The following CCDC171 variants were observed in gnomAD, a reference collection of about 807,000 sequenced individuals.
CCDC171 encodes coiled-coil domain-containing protein 171.
Under a neutral mutation model 168.2 loss-of-function variants are expected in CCDC171, and 177 were observed. That is an observed-to-expected ratio of 1.05 (90% CI 0.93 to 1.19). The LOEUF (loss-of-function observed/expected upper bound fraction) is 1.19. Ranked by LOEUF, CCDC171 falls within the 50% of genes most tolerant of loss-of-function variation. The probability of loss-of-function intolerance (pLI) is 0.00; values close to 1 mark genes in which losing one functional copy is unlikely to be tolerated. For synonymous variants in CCDC171, 687 were observed against 540.8 expected (o/e 1.27, Z -3.75); for missense variants, 1,991 against 1,539.0 (o/e 1.29, Z -4.91).
chr9:16,013,390 T>A (rs1388691250), intron 3 of CCDC171, among the ~76,000 whole-genome samples: 1 of 152,104 alleles, frequency 6.6e-6, no homozygotes, highest in Non-Finnish European at 1.5e-5. Context: ...TCTCTTTATA[T>A]CATTGTGCTG....
chr9:15,672,336 C>A (rs962987020), intron 9 of CCDC171, among the ~76,000 whole-genome samples: 27 of 152,148 alleles, frequency 1.8e-4, no homozygotes, highest in African/African-American at 6.3e-4. Flanking sequence ...TTTTGCTGTG[C>A]AGAAGCTCTT....
At chr9:15,675,187 G>GTTGTTTTTTTTTTTTTTTT (rs2049435851) in intron 9 of CCDC171, among the ~76,000 whole-genome samples, 1 of 75,530 alleles carries the variant, frequency 1.3e-5, no homozygotes. Flanking sequence ...TGCAACTCCT[G>GTTGTTTTTTTTTTTTTTTT]TTTTTTTTTT....
At chr9:15,704,225 A>G (rs1402162245) in intron 11 of CCDC171, among the ~76,000 whole-genome samples, 2 of 152,208 alleles carry the variant, frequency 1.3e-5, no homozygotes, top group African/African-American at 4.8e-5. Context: ...TAGAATTTGT[A>G]ACAAAATTAA....
At chr9:15,918,327 A>T (rs528045056) in intron 24 of CCDC171, among the ~76,000 whole-genome samples, 36 of 151,702 alleles carry the variant, frequency 2.4e-4, no homozygotes, top group African/African-American at 8.7e-4. Context: ...AGTAGACAAG[A>T]AAACGACTCT....
chr9:15,669,437 C>A (rs1419361146), intron 9 of CCDC171, among the ~76,000 whole-genome samples: 2 of 151,994 alleles, frequency 1.3e-5, no homozygotes, highest in African/African-American at 2.4e-5. Flanking sequence ...TTGGGCTATC[C>A]ATTAACTCAG....
chr9:15,565,949 G>C (rs1345310096), intron 2 of CCDC171, among the ~76,000 whole-genome samples: 2 of 152,154 alleles, frequency 1.3e-5, no homozygotes, highest in African/African-American at 4.8e-5. Context: ...TTCTGAAGTG[G>C]CTGGGTCATT....
the CCDC171 span, among the ~76,000 whole-genome samples, chr9:16,101,779 C>T: frequency 9.8e-5 from 15 of 152,320 alleles, no homozygotes; most frequent in Admixed American, 3.3e-4. Context: ...CTCCAGTTGA[C>T]AGCCAGGAAG....
At position 15,633,872 on chromosome 9, in the gene CCDC171, T is replaced by C. The variant is rs537222740; in HGVS notation, c.822+10459T>C. Among the ~76,000 whole-genome samples the C allele has an allele frequency of 2.0e-5, 3 of 152,316 alleles. No individual in the cohort carries two copies. In the South Asian group the frequency reaches 6.2e-4, roughly 32 times the overall value. ...AAAAATGATGAGTTCATGTCCTTTG[T>C]AGGGACATGGATGAAATTGGAAATC... On this transcript the variant is annotated intron_variant, in intron 7 of 25. Transcript: ENST00000380701.
intron 18 of CCDC171, among the ~76,000 whole-genome samples, chr9:15,759,152 C>G (rs555747326): frequency 6.6e-6 from 1 of 152,136 alleles, no homozygotes; most frequent in Non-Finnish European, 1.5e-5. Context: ...TATCCATCCA[C>G]TAATAGACTA....
chr9:15,607,043 GT>G (rs543404926), intron 6 of CCDC171, among the ~76,000 whole-genome samples: 3 of 152,092 alleles, frequency 2.0e-5, no homozygotes, highest in African/African-American at 7.2e-5. Flanking sequence ...TATTTTTGTA[GT>G]TTTTTTGGAT....
chr9:15,713,254 G>A (rs1007772330), intron 11 of CCDC171, among the ~76,000 whole-genome samples: 3 of 151,948 alleles, frequency 2.0e-5, no homozygotes, highest in African/African-American at 7.3e-5. Flanking sequence ...TAGTGCTGCT[G>A]CAGCTGCCTA....
At chr9:15,953,312 C>A (rs1378006080) in intron 25 of CCDC171, among the ~76,000 whole-genome samples, 2 of 152,190 alleles carry the variant, frequency 1.3e-5, no homozygotes, top group East Asian at 3.9e-4. Context: ...ATGCTCCGGG[C>A]CTTTCATATA....
rs543226146 is a variant in CCDC171 at position 15,969,567 on chromosome 9, T to C, written c.3754-2042T>C. Among the ~76,000 whole-genome samples the C allele has an allele frequency of 2.1e-3, 318 of 152,310 alleles. 2 individuals carry two copies. Among genetic ancestry groups the C allele is most frequent in the South Asian group, 3.7e-3 (18 of 4,826 alleles). On this transcript the variant is annotated intron_variant, in intron 25 of 25. Transcript: ENST00000380701. ...GACTGATTCTGCACACCCCTCTATT[T>C]TCCATACATAGTTTTCTTAGACCAG...
At chr9:16,064,420 C>A (rs1296731712), downstream of CCDC171, among the ~76,000 whole-genome samples, 5 of 151,972 alleles carry the variant, frequency 3.3e-5, no homozygotes, top group African/African-American at 1.2e-4. Context: ...GTGAGGGAGG[C>A]TGAGGGCAGA....
Position 15,744,725 on chromosome 9 carries a change from C to CATAG in CCDC171, c.2503_2506dup (p.Gly836AspfsTer15). 4 of 1,614,034 alleles carry CATAG rather than the reference C, an allele frequency of 2.5e-6. No homozygotes were observed. The highest frequency in any genetic ancestry group is 3.4e-6 in the Non-Finnish European group (4 of 1,180,010). On this transcript the variant is annotated frameshift_variant, in exon 17 of 26. Coordinates refer to ENST00000380701, the MANE Select transcript of CCDC171 (RefSeq NM_173550.4). LOFTEE classifies it high-confidence loss of function. ...CCTGGATGGAGAGTTTCAAAGAAGGCATAGGCATGTTAGTGTGCACAGGAG... is the reference window on the plus strand; with the variant it reads ...CCTGGATGGAGAGTTTCAAAGAAGGCATAGATAGGCATGTTAGTGTGCACAGGAG...
At chr9:15,652,984 C>T (rs977454205) in intron 7 of CCDC171, among the ~76,000 whole-genome samples, 2 of 152,068 alleles carry the variant, frequency 1.3e-5, no homozygotes, top group African/African-American at 4.8e-5. Flanking sequence ...AAAAAAGTGA[C>T]TATGTGGGGA....
chr9:15,767,097 AT>A (rs2056764117), intron 18 of CCDC171, among the ~76,000 whole-genome samples: 4 of 152,346 alleles, frequency 2.6e-5, no homozygotes, highest in Admixed American at 2.6e-4. Context: ...AAACTTAAAA[AT>A]GTGTGAGGGC....
chr9:15,669,616 C>T (rs1172500676), intron 9 of CCDC171, among the ~76,000 whole-genome samples: 5 of 152,058 alleles, frequency 3.3e-5, no homozygotes, highest in Non-Finnish European at 5.9e-5. Flanking sequence ...TCTGAATTTT[C>T]AAATATAGTA....
intron 18 of CCDC171, among the ~76,000 whole-genome samples, chr9:15,766,787 C>A (rs113675595): frequency 2.6e-5 from 4 of 152,244 alleles, no homozygotes; most frequent in African/African-American, 9.6e-5. Context: ...TCCTGAGTAT[C>A]TAGGACTACA....
Sources: gnomAD v4.1 joint callset for allele counts (sites outside exome capture counted in the v4.1 genomes callset) on GRCh38, gnomAD v4.1.1 for gene constraint, MANE v1.5 for transcripts, NCBI Gene and HGNC (gene_info 2026-07-23, HGNC 2026-07-21) for gene names.